The following SYT11 variants were observed in gnomAD, a reference collection of about 807,000 sequenced individuals.
The protein encoded by SYT11 is synaptotagmin-11.
In SYT11, 12 loss-of-function variants were observed where a neutral mutation model predicts 30.4. The observed-to-expected ratio is 0.39, with a 90% CI of 0.25 to 0.64. The LOEUF (loss-of-function observed/expected upper bound fraction) is 0.64, where lower values mean the gene tolerates loss of function less well. Ranked by LOEUF, SYT11 falls within the 30% of genes least tolerant of loss-of-function variation. SYT11 has a pLI of 0.45. For synonymous variants in SYT11, 204 were observed against 216.0 expected (o/e 0.94, Z 0.49); for missense variants, 412 against 552.0 (o/e 0.75, Z 2.54).
At position 155,881,736 on chromosome 1, in the gene SYT11, T is replaced by A. The variant is rs1055565154; in HGVS notation, c.*228T>A. ...GGCGCTAGAATCTTTTATTTTACTT[T>A]ATTTTTTTTGAGGTGGAGTTTCGCT... On this transcript the variant is annotated 3_prime_UTR_variant, in exon 4 of 4. Coordinates refer to ENST00000368324, the MANE Select transcript of SYT11 (RefSeq NM_152280.5). 4 of 389,760 alleles carry A rather than the reference T, an allele frequency of 1.0e-5. No individual in the cohort carries two copies. Among genetic ancestry groups the A allele is most frequent in the South Asian group, 1.3e-4 (2 of 15,658 alleles). The allele number at this position is 389,760 out of a possible 1,614,324, so 24.1% of individuals were successfully genotyped here. A position where few individuals can be genotyped will look rare whatever the true frequency, so the allele number is the denominator to read the frequency against.
At position 155,881,410 on chromosome 1, in the gene SYT11, G is replaced by A; in HGVS notation, c.1198G>A (p.Ala400Thr). Reference sequence around the variant, plus strand: ...GGTGGTGGGGAGGCTGATCCTGGGGGCACACAGTGTCACAGCCAGTGGTGC... The same window carrying A: ...GGTGGTGGGGAGGCTGATCCTGGGGACACACAGTGTCACAGCCAGTGGTGC... ...NEVVGRLILG[A>T]HSVTASGAEH... The change falls in exon 4 of 4, where the codon GCA becomes ACA. Residue 400 changes from alanine (A) to threonine (T), a missense_variant. Physicochemically the swap from Ala to Thr is moderately conservative, Grantham distance 58. Coordinates refer to ENST00000368324, the MANE Select transcript of SYT11 (RefSeq NM_152280.5). 6.2e-7 allele frequency: 1 copy of A among 1,613,994 alleles called. No homozygotes were observed. The highest frequency in any genetic ancestry group is 8.5e-7 in the Non-Finnish European group (1 of 1,180,010).
chr1:155,868,210 C>T lies in SYT11; in HGVS notation c.280C>T (p.Leu94=). ...GPGREGGRRN[L]LVDAAEAGLL... is the part of the protein sequence containing the mutation. ...TGGGAGGGAAGGTGGACGTAGGAAC[C>T]TGTTGGTGGACGCAGCAGAGGCTGG... Residue 94 remains leucine, a synonymous_variant, in exon 2 of 4, where the codon CTG becomes TTG. Transcript: ENST00000368324. The surrounding 1 kb of genome is among the most constrained non-coding windows in gnomAD (Gnocchi z 4.7). 1 of 1,614,078 alleles carries T rather than the reference C, an allele frequency of 6.2e-7. No homozygotes were observed. Among genetic ancestry groups the T allele is most frequent in the South Asian group, 1.1e-5 (1 of 91,074 alleles).
At chr1:155,863,265 G>A (rs2102553830) in intron 1 of SYT11, among the ~76,000 whole-genome samples, 1 of 152,098 alleles carries the variant, frequency 6.6e-6, no homozygotes, top group South Asian at 2.1e-4. Context: ...ACCAGACTGG[G>A]CAACATAGCA....
intron 1 of SYT11, among the ~76,000 whole-genome samples, chr1:155,862,703 C>G (rs1479197394): frequency 1.3e-5 from 2 of 152,214 alleles, no homozygotes; most frequent in Non-Finnish European, 2.9e-5. Flanking sequence ...GCCCAGGTGT[C>G]TCCTAATCTA....
intron 2 of SYT11, among the ~76,000 whole-genome samples, chr1:155,876,282 G>C (rs868640372): frequency 8.8e-6 from 1 of 113,770 alleles, no homozygotes; most frequent in Non-Finnish European, 1.6e-5. Flanking sequence ...GTCTCGCTCC[G>C]TCTCCCAGGC....
chr1:155,865,357 G>GT (rs1672653096), intron 1 of SYT11, among the ~76,000 whole-genome samples: 1 of 152,106 alleles, frequency 6.6e-6, no homozygotes, highest in African/African-American at 2.4e-5. Flanking sequence ...GCCGGGCGCG[G>GT]TGGCTCATGC....
At position 155,868,732 on chromosome 1, in the gene SYT11, G is replaced by A; in HGVS notation, c.802G>A (p.Val268Met). The A allele has an allele frequency of 6.2e-7, 1 of 1,614,222 alleles. No homozygotes were observed. Among genetic ancestry groups the A allele is most frequent in the Non-Finnish European group, 8.5e-7 (1 of 1,180,044 alleles). The change falls in exon 2 of 4, where the codon GTG becomes ATG. Residue 268 changes from valine (V) to methionine (M), a missense_variant. By Grantham distance (21) the Val-to-Met change is conservative. Coordinates refer to ENST00000368324, the MANE Select transcript of SYT11 (RefSeq NM_152280.5). This position sits in a 1 kb window ranked among gnomAD's most constrained non-coding sequence, Gnocchi z 4.7. ...IGEVMVPLAG[V>M]DPSTGKVQLT... ...CGAGGTCATGGTGCCACTGGCAGGG[G>A]TGGACCCCAGCACAGGCAAGGTACA...
chr1:155,876,308 C>A (rs374996655), intron 2 of SYT11, among the ~76,000 whole-genome samples: 20 of 139,952 alleles, frequency 1.4e-4, no homozygotes, highest in African/African-American at 4.8e-4. Flanking sequence ...TGCAGTGGCG[C>A]GATCTCGGCT....
rs774904598 is a variant in SYT11 at position 155,860,240 on chromosome 1, A to G, written c.34+445A>G. Among the ~76,000 whole-genome samples, 142 of 152,202 alleles carry G rather than the reference A, an allele frequency of 9.3e-4. 1 individual carries two copies. Among genetic ancestry groups the G allele is most frequent in the Non-Finnish European group, 1.6e-3 (112 of 67,992 alleles). ...AAGTGACAAGGGGGATGGGGCATCA[A>G]GATGGCAGCTTGGAGACTGTGGGCC... On this transcript the variant is annotated intron_variant, in intron 1 of 3. Transcript: ENST00000368324. The surrounding 1 kb of genome is among the most constrained non-coding windows in gnomAD (Gnocchi z 4.1).
intron 2 of SYT11, among the ~76,000 whole-genome samples, chr1:155,875,082 G>A (rs921168098): frequency 6.8e-6 from 1 of 146,518 alleles, no homozygotes; most frequent in Non-Finnish European, 1.5e-5. Flanking sequence ...GCGAAACCCC[G>A]TCTTTACTAA....
intron 2 of SYT11, among the ~76,000 whole-genome samples, chr1:155,877,513 A>G (rs970176838): frequency 6.6e-6 from 1 of 151,478 alleles, no homozygotes; most frequent in African/African-American, 2.4e-5. Flanking sequence ...AGTCCTCCCA[A>G]GTAGCTGGCT....
Position 155,881,341 on chromosome 1 carries a change from A to C in SYT11, c.1129A>C (p.Ile377Leu). 1 of 1,614,220 alleles carries C rather than the reference A, an allele frequency of 6.2e-7. No homozygotes were observed. The highest frequency in any genetic ancestry group is 8.5e-7 in the Non-Finnish European group (1 of 1,180,040). The change falls in exon 4 of 4, where the codon ATC becomes CTC. Residue 377 changes from isoleucine (I) to leucine (L), a missense_variant. Physicochemically the swap from Ile to Leu is conservative, Grantham distance 5. Coordinates refer to ENST00000368324, the MANE Select transcript of SYT11 (RefSeq NM_152280.5). The part of the protein sequence containing the change: ...IPTDLLPDIS[I>L]EFLVIDFDRT... ...CACTGACCTCCTGCCTGATATCAGC[A>C]TCGAGTTCCTCGTTATCGACTTCGA...
intron 2 of SYT11, among the ~76,000 whole-genome samples, chr1:155,880,088 A>C (rs1672937124): frequency 6.6e-6 from 1 of 152,196 alleles, no homozygotes; most frequent in African/African-American, 2.4e-5. Context: ...GCTACTCAGG[A>C]GGCTGAGGTG....
In SYT11 at chr1:155,859,575, C is replaced by G; in HGVS notation, c.-187C>G. 1.5e-6 allele frequency: 1 copy of G among 652,170 alleles called. No homozygotes were observed. Among genetic ancestry groups the G allele is most frequent in the South Asian group, 1.7e-5 (1 of 59,286 alleles). The allele number at this position is 652,170 out of a possible 1,614,324, so 40.4% of individuals were successfully genotyped here. On this transcript the variant is annotated 5_prime_UTR_variant, in exon 1 of 4. Coordinates refer to ENST00000368324, the MANE Select transcript of SYT11 (RefSeq NM_152280.5). ...ACCTGCATCCTTAGCTCAGCGCATC[C>G]CCGGAGCATCTTAAGAGCTGAGCGC... is the stretch of plus-strand genomic sequence containing the variant.
At chr1:155,879,599 G>T (rs1161031929) in intron 2 of SYT11, among the ~76,000 whole-genome samples, 1 of 152,162 alleles carries the variant, frequency 6.6e-6, no homozygotes, top group East Asian at 1.9e-4. Flanking sequence ...CCTGTGAAAT[G>T]CAGGGACAGG....
intron 2 of SYT11, among the ~76,000 whole-genome samples, chr1:155,875,409 A>ATT (rs1397841621): frequency 1.4e-5 from 2 of 146,638 alleles, no homozygotes; most frequent in Non-Finnish European, 1.5e-5. Flanking sequence ...CCTTGGTTAG[A>ATT]TTTTTTTTTT....
intron 2 of SYT11, among the ~76,000 whole-genome samples, chr1:155,871,502 T>C (rs1457524927): frequency 6.6e-6 from 1 of 152,190 alleles, no homozygotes; most frequent in African/African-American, 2.4e-5. Flanking sequence ...TGTGCCAAGC[T>C]GCAGCTGGGA....
chr1:155,881,694 T>C lies in SYT11; in HGVS notation c.*186T>C, dbSNP rs1672965692. ...AGATCAGTTCTTAGCAATGATGTTT[T>C]TTTTTCTGCTTTGCAAGGCGCTAGA... On this transcript the variant is annotated 3_prime_UTR_variant, in exon 4 of 4. Coordinates refer to ENST00000368324, the MANE Select transcript of SYT11 (RefSeq NM_152280.5). 1 of 508,660 alleles carries C rather than the reference T, an allele frequency of 2.0e-6. No homozygotes were observed. The highest frequency in any genetic ancestry group is 3.4e-6 in the Non-Finnish European group (1 of 290,878). The allele number at this position is 508,660 out of a possible 1,614,324, so 31.5% of individuals were successfully genotyped here.
chr1:155,879,934 C>T (rs1672934386), intron 2 of SYT11, among the ~76,000 whole-genome samples: 2 of 152,132 alleles, frequency 1.3e-5, no homozygotes, highest in African/African-American at 4.8e-5. Flanking sequence ...TGGCTTATGC[C>T]TGTAATCCCA....
Sources: gnomAD v4.1 joint callset for allele counts (sites outside exome capture counted in the v4.1 genomes callset) on GRCh38, gnomAD v4.1.1 for gene constraint, Gnocchi (gnomAD v3.1) non-coding constraint, MANE v1.5 for transcripts, NCBI Gene and HGNC (gene_info 2026-07-23, HGNC 2026-07-21) for gene names.